Variants in TRMT11 observed in about 807,000 individuals in gnomAD.
The protein encoded by TRMT11 is tRNA (guanine(10)-N(2))-methyltransferase TRMT11.
TRMT11 carries 53 observed loss-of-function variants against 62.8 expected under a neutral mutation model. That is an observed-to-expected ratio of 0.84 (90% CI 0.68 to 1.06). TRMT11 has a LOEUF of 1.06. Among genes scored for constraint, TRMT11 ranks in the 50% least tolerant of loss-of-function variants. TRMT11 has a pLI of 0.00. For synonymous variants in TRMT11, 188 were observed against 190.3 expected (o/e 0.99, Z 0.10); for missense variants, 556 against 553.4 (o/e 1.00, Z -0.05).
chr6:126,097,634 G>C, intron 17 of TRMT11, among the ~76,000 whole-genome samples: 1 of 149,720 alleles, frequency 6.7e-6, no homozygotes, highest in East Asian at 2.0e-4. Context: ...TTTAATTCTC[G>C]TGTTCTCAAA....
At chr6:126,218,418 A>C in the TRMT11 span, among the ~76,000 whole-genome samples, 47 of 152,278 alleles carry the variant, frequency 3.1e-4, no homozygotes, top group African/African-American at 1.1e-3. Context: ...AGGGTCTAAG[A>C]ACTCTTTAGT....
chr6:126,165,099 A>T (rs1460758132), intron 21 of TRMT11, among the ~76,000 whole-genome samples: 3 of 152,110 alleles, frequency 2.0e-5, no homozygotes, highest in African/African-American at 7.2e-5. Flanking sequence ...CAACATGGTG[A>T]AACCCCGTCT....
chr6:126,153,132 A>G (rs575466811), intron 21 of TRMT11, among the ~76,000 whole-genome samples: 3 of 152,234 alleles, frequency 2.0e-5, no homozygotes, highest in East Asian at 1.9e-4. Flanking sequence ...CAATAATATT[A>G]TATCTTGGAA....
At position 126,034,759 on chromosome 6, in the gene TRMT11, C is replaced by T. The variant is rs573961606; in HGVS notation, c.1261-3946C>T. Among the ~76,000 whole-genome samples the T allele has an allele frequency of 6.0e-4, 91 of 151,936 alleles. No homozygotes were observed. In the South Asian group the frequency reaches 0.017, roughly 29 times the overall value. On this transcript the variant is annotated intron_variant, in intron 12 of 12. Coordinates refer to ENST00000334379, the MANE Select transcript of TRMT11 (RefSeq NM_001031712.3). ...TGGTAGACAGATTTAGAAATGTTAG[C>T]GAAACCAAAAGTCAAACACTGGGAT...
chr6:126,258,614 G>A, the TRMT11 span, among the ~76,000 whole-genome samples: 1 of 152,180 alleles, frequency 6.6e-6, no homozygotes, highest in African/African-American at 2.4e-5. Context: ...TGAGTATGTT[G>A]TAATCCAGGA....
At chr6:126,098,860 G>C (rs1228056063) in intron 17 of TRMT11, among the ~76,000 whole-genome samples, 2 of 152,098 alleles carry the variant, frequency 1.3e-5, no homozygotes, top group South Asian at 4.1e-4. Context: ...TTCCACAAAG[G>C]GGATTTTTTT....
chr6:126,129,682 C>G (rs1322430385), intron 21 of TRMT11, among the ~76,000 whole-genome samples: 1 of 151,948 alleles, frequency 6.6e-6, no homozygotes, highest in African/African-American at 2.4e-5. Flanking sequence ...GCTACCGTGA[C>G]TGGATTTAAA....
chr6:125,998,938 A>G (rs984042181), intron 6 of TRMT11, among the ~76,000 whole-genome samples: 2 of 151,742 alleles, frequency 1.3e-5, no homozygotes, highest in Non-Finnish European at 2.9e-5. Context: ...ACTTACCAGA[A>G]CATCTGGACT....
chr6:126,144,540 C>T (rs1777953960), intron 21 of TRMT11, among the ~76,000 whole-genome samples: 1 of 152,118 alleles, frequency 6.6e-6, no homozygotes, highest in South Asian at 2.1e-4. Flanking sequence ...GACTAAAAAG[C>T]TTTTCCCCAA....
At chr6:126,163,018 A>G (rs1778213736) in intron 21 of TRMT11, among the ~76,000 whole-genome samples, 1 of 152,124 alleles carries the variant, frequency 6.6e-6, no homozygotes, top group South Asian at 2.1e-4. Flanking sequence ...AGACAATTTT[A>G]CTTCCTCTCT....
At chr6:126,221,333 C>T in the TRMT11 span, among the ~76,000 whole-genome samples, 24 of 152,286 alleles carry the variant, frequency 1.6e-4, no homozygotes, top group South Asian at 1.5e-3. Context: ...TGTGAAATCT[C>T]CAGACTGTTT....
At chr6:126,149,143 T>C (rs1778008655) in intron 21 of TRMT11, among the ~76,000 whole-genome samples, 1 of 152,208 alleles carries the variant, frequency 6.6e-6, no homozygotes, top group African/African-American at 2.4e-5. Flanking sequence ...GCTAATCTTT[T>C]GATTTAGGGC....
chr6:126,126,063 C>T (rs541110005), intron 21 of TRMT11, among the ~76,000 whole-genome samples: 1 of 152,140 alleles, frequency 6.6e-6, no homozygotes, highest in South Asian at 2.1e-4. Context: ...TTGCCTAGGA[C>T]ACCACCACTT....
At chr6:126,071,751 A>C (rs1776864906) in intron 17 of TRMT11, among the ~76,000 whole-genome samples, 2 of 151,118 alleles carry the variant, frequency 1.3e-5, no homozygotes, top group African/African-American at 4.9e-5. Context: ...ATTGTCCTTT[A>C]GTGTTGAATT....
the TRMT11 span, among the ~76,000 whole-genome samples, chr6:126,217,110 G>C: frequency 1.3e-5 from 2 of 152,074 alleles, no homozygotes; most frequent in Non-Finnish European, 2.9e-5. Flanking sequence ...AAATCTCTTT[G>C]TTAAATTTCT....
intron 1 of TRMT11, among the ~76,000 whole-genome samples, chr6:126,185,169 A>C (rs963459881): frequency 2.6e-5 from 4 of 152,194 alleles, no homozygotes; most frequent in African/African-American, 9.6e-5. Context: ...GAAATAAGTC[A>C]CATTTTTTCC....
At chr6:126,012,279 A>G (rs1250333567) in intron 9 of TRMT11, among the ~76,000 whole-genome samples, 1 of 151,918 alleles carries the variant, frequency 6.6e-6, no homozygotes, top group African/African-American at 2.4e-5. Context: ...TTTTCCGATC[A>G]ACTTGAGAGT....
At chr6:126,262,005 C>T in the TRMT11 span, among the ~76,000 whole-genome samples, 17 of 152,280 alleles carry the variant, frequency 1.1e-4, no homozygotes, top group Non-Finnish European at 1.9e-4. Context: ...GTGAGTACAG[C>T]GAGGTGGGAA....
chr6:126,173,574 A>G (rs1778353815), upstream of TRMT11, among the ~76,000 whole-genome samples: 1 of 152,200 alleles, frequency 6.6e-6, no homozygotes, highest in Non-Finnish European at 1.5e-5. Context: ...AGCAGACCCC[A>G]GAGATGAGAA....
Sources: gnomAD v4.1 joint callset for allele counts (sites outside exome capture counted in the v4.1 genomes callset) on GRCh38, gnomAD v4.1.1 for gene constraint, MANE v1.5 for transcripts, NCBI Gene and HGNC (gene_info 2026-07-23, HGNC 2026-07-21) for gene names.